SRPK2: variants seen among roughly 807,000 people sequenced by gnomAD.
SRPK2 encodes SRSF protein kinase 2.
SRPK2 carries 21 observed loss-of-function variants against 90.8 expected under a neutral mutation model. The ratio of observed to expected loss-of-function variants is 0.23; its 90% CI spans 0.16 to 0.33. SRPK2 has a LOEUF of 0.33. SRPK2 is among the 10% of genes least tolerant of loss of function. The pLI, the probability that SRPK2 is intolerant of heterozygous loss-of-function variation, is 1.00. For synonymous variants in SRPK2, 288 were observed against 311.1 expected, an observed-to-expected ratio of 0.93 and a Z score of 0.78; for missense variants, 620 against 869.0, an observed-to-expected ratio of 0.71 and a Z score of 3.60.
At chr7:105,158,944 A>T (rs144952204) in intron 7 of SRPK2, among the ~76,000 whole-genome samples, 48 of 152,110 alleles carry the variant, frequency 3.2e-4, no homozygotes, top group African/African-American at 1.1e-3. Flanking sequence ...CTTCTACATT[A>T]AAGTTGTTCA....
chr7:105,248,931 A>C (rs1802103887), intron 2 of SRPK2, among the ~76,000 whole-genome samples: 1 of 152,126 alleles, frequency 6.6e-6, no homozygotes, highest in Non-Finnish European at 1.5e-5. Flanking sequence ...ATCTCAAAAA[A>C]AAAAAAAAAA....
chr7:105,182,453 CTTTTT>C (rs71152944), intron 3 of SRPK2, among the ~76,000 whole-genome samples: 2 of 116,518 alleles, frequency 1.7e-5, no homozygotes, highest in Non-Finnish European at 3.4e-5. Flanking sequence ...CCCCCCCCGC[CTTTTT>C]TTTTTTTTTT....
chr7:105,301,334 A>G (rs1461543311), intron 2 of SRPK2, among the ~76,000 whole-genome samples: 1 of 150,486 alleles, frequency 6.6e-6, no homozygotes, highest in African/African-American at 2.4e-5. Flanking sequence ...CCCACAGCCC[A>G]CCGCTGGCAG....
At chr7:105,228,725 CAGAACTAAG>C (rs2033201208) in intron 2 of SRPK2, among the ~76,000 whole-genome samples, 1 of 152,198 alleles carries the variant, frequency 6.6e-6, no homozygotes, top group Non-Finnish European at 1.5e-5. Flanking sequence ...CTGCAGACAG[CAGAACTAAG>C]AGAATACCGT....
At chr7:105,293,620 A>T (rs1174031968) in intron 2 of SRPK2, among the ~76,000 whole-genome samples, 2 of 151,772 alleles carry the variant, frequency 1.3e-5, no homozygotes, top group African/African-American at 4.8e-5. Flanking sequence ...GGTTTCCACC[A>T]TGTTGGCCAG....
intron 2 of SRPK2, among the ~76,000 whole-genome samples, chr7:105,281,222 G>C (rs968912867): frequency 2.0e-5 from 3 of 151,420 alleles, no homozygotes; most frequent in Non-Finnish European, 4.4e-5. Context: ...TCAGCCTCCC[G>C]AGTAGCTGGG....
intron 7 of SRPK2, among the ~76,000 whole-genome samples, chr7:105,147,512 G>T (rs1351678408): frequency 6.6e-6 from 1 of 151,866 alleles, no homozygotes; most frequent in African/African-American, 2.4e-5. Context: ...GTAGAGACGG[G>T]GTTTTACCAT....
At position 105,184,022 on chromosome 7, in the gene SRPK2, C is replaced by A. The variant is rs1793246689; in HGVS notation, c.230-14757G>T. Among the ~76,000 whole-genome samples the A allele has an allele frequency of 2.5e-5, 3 of 121,370 alleles. No homozygotes were observed. In the Admixed American group the frequency reaches 3.4e-4, roughly 14 times the overall value. The allele number at this position is 121,370 out of a possible 152,430, so 79.6% of individuals were successfully genotyped here. On this transcript the variant is annotated intron_variant, in intron 3 of 15. Coordinates refer to ENST00000393651, the MANE Select transcript of SRPK2 (RefSeq NM_182692.3). The stretch of plus-strand genomic sequence containing the variant: ...AGATGGAGTCTCTCTGTTGTGCAGG[C>A]TGGAGTGTAGTGGCATGATCCCAGC...
chr7:105,285,415 G>GAAAAGA (rs1318141010), intron 2 of SRPK2, among the ~76,000 whole-genome samples: 3 of 147,830 alleles, frequency 2.0e-5, no homozygotes, highest in Non-Finnish European at 3.0e-5. Context: ...AAAGGAAAAG[G>GAAAAGA]AAAAGAAAAA....
intron 7 of SRPK2, among the ~76,000 whole-genome samples, chr7:105,148,961 G>A: frequency 6.6e-6 from 1 of 152,102 alleles, no homozygotes; most frequent in Non-Finnish European, 1.5e-5. Context: ...AATGCACTGT[G>A]GAAAGCTGCA....
chr7:105,190,424 C>T (rs1278474015), intron 3 of SRPK2, among the ~76,000 whole-genome samples: 1 of 152,262 alleles, frequency 6.6e-6, no homozygotes, highest in East Asian at 1.9e-4. Context: ...TGTACGTGTT[C>T]CTTTTCCTCT....
chr7:105,267,119 C>T (rs1767325939), intron 2 of SRPK2, among the ~76,000 whole-genome samples: 2 of 152,056 alleles, frequency 1.3e-5, no homozygotes, highest in South Asian at 2.1e-4. Flanking sequence ...TGACCACATG[C>T]GTCCTCCCTT....
chr7:105,155,050 G>A (rs909650051), intron 7 of SRPK2, among the ~76,000 whole-genome samples: 6 of 151,504 alleles, frequency 4.0e-5, no homozygotes, highest in African/African-American at 1.5e-4. Context: ...GCACGATCTC[G>A]GCTCACTGCA....
rs571334993 is a variant in SRPK2, at chr7:105,296,499, A to G, written c.71+92149T>C. ...GATTTTAAAAAAAAGTCTTTAGAAA[A>G]AAGATTCCAAATGCATCAAGCATAT... On this transcript the variant is annotated intron_variant, in intron 2 of 15. Coordinates refer to ENST00000393651, the MANE Select transcript of SRPK2 (RefSeq NM_182692.3). 6.6e-5 allele frequency among the ~76,000 whole-genome samples: 10 copies of G among 152,372 alleles called. No homozygotes were observed. The South Asian group carries it at 2.1e-3, about 32-fold the overall frequency.
chr7:105,303,836 G>T (rs1810855017), intron 2 of SRPK2, among the ~76,000 whole-genome samples: 1 of 152,166 alleles, frequency 6.6e-6, no homozygotes, highest in African/African-American at 2.4e-5. Flanking sequence ...GTGGCAGAGG[G>T]TCAAACTATG....
At position 105,387,450 on chromosome 7, in the gene SRPK2, C is replaced by T. The variant is rs1033116105; in HGVS notation, c.71+1198G>A. On this transcript the variant is annotated intron_variant, in intron 2 of 15. Coordinates refer to ENST00000393651, the MANE Select transcript of SRPK2 (RefSeq NM_182692.3). ...TTATGAATTCAATATCCAATTTTTACCGACCAATTAGTTCTTCAACTCTTT... is the reference window on the plus strand; with the variant it reads ...TTATGAATTCAATATCCAATTTTTATCGACCAATTAGTTCTTCAACTCTTT... Among the ~76,000 whole-genome samples the T allele has an allele frequency of 2.6e-5, 4 of 151,946 alleles. No individual in the cohort carries two copies. The East Asian group carries it at 7.7e-4, about 29-fold the overall frequency.
At chr7:105,359,021 T>C (rs1024257432) in intron 2 of SRPK2, among the ~76,000 whole-genome samples, 3 of 151,824 alleles carry the variant, frequency 2.0e-5, no homozygotes, top group Non-Finnish European at 2.9e-5. Flanking sequence ...GAAGCAAGAA[T>C]GACACCTCAA....
rs187127991 is a variant in SRPK2 at position 105,385,467 on chromosome 7, C to T, written c.71+3181G>A. ...CTGGGATTACAGGCGTGAGCCACCGCGCCCGGACAGCAGCCCTCTTTTTAA... is the reference window on the plus strand; with the variant it reads ...CTGGGATTACAGGCGTGAGCCACCGTGCCCGGACAGCAGCCCTCTTTTTAA... On this transcript the variant is annotated intron_variant, in intron 2 of 15. Transcript: ENST00000393651. Among the ~76,000 whole-genome samples the T allele has an allele frequency of 3.0e-3, 452 of 152,176 alleles. 2 individuals are homozygous for T. The highest frequency in any genetic ancestry group is 0.01 in the African/African-American group (424 of 41,546).
upstream of SRPK2, among the ~76,000 whole-genome samples, chr7:105,393,783 G>C (rs992806943): frequency 3.3e-5 from 5 of 151,900 alleles, no homozygotes; most frequent in African/African-American, 1.2e-4. Context: ...ACATTTCTGC[G>C]CCAGATGTGG....
Sources: gnomAD v4.1 joint callset for allele counts (sites outside exome capture counted in the v4.1 genomes callset) on GRCh38, gnomAD v4.1.1 for gene constraint, MANE v1.5 for transcripts, NCBI Gene and HGNC (gene_info 2026-07-23, HGNC 2026-07-21) for gene names.